TRIP11: variants seen among roughly 807,000 people sequenced by gnomAD.
The protein encoded by TRIP11 is thyroid receptor-interacting protein 11.
TRIP11 carries 148 observed loss-of-function variants against 223.1 expected under a neutral mutation model. That is an observed-to-expected ratio of 0.66 (90% CI 0.58 to 0.76). The LOEUF (loss-of-function observed/expected upper bound fraction) is 0.76. TRIP11 is among the 30% of genes least tolerant of loss of function. TRIP11 has a pLI of 0.00. For synonymous variants in TRIP11, 762 were observed against 772.6 expected, an observed-to-expected ratio of 0.99 and a Z score of 0.23; for missense variants, 2,043 against 2,222.0, an observed-to-expected ratio of 0.92 and a Z score of 1.62.
intron 2 of TRIP11, among the ~76,000 whole-genome samples, chr14:92,032,275 G>A (rs2057275391): frequency 1.3e-5 from 2 of 152,032 alleles, no homozygotes; most frequent in Non-Finnish European, 2.9e-5. Flanking sequence ...AGCCTCCTGA[G>A]TAGCTGGGAT....
rs775254887 is a variant in TRIP11, at chr14:92,005,835, A to G, written c.2141T>C (p.Leu714Pro). 6.2e-7 allele frequency: 1 copy of G among 1,613,996 alleles called. No homozygotes were observed. The highest frequency in any genetic ancestry group is 1.1e-5 in the South Asian group (1 of 91,078). Residue 714 changes from leucine to proline, a missense_variant, in exon 11 of 21, where the codon CTA becomes CCA. Physicochemically the swap from Leu to Pro is moderately conservative, Grantham distance 98. Transcript: ENST00000267622. ...CTCTATCTCTCCTTTTTCCATTTTT[A>G]GAGTCTCCACAATAGTGTTTTTTTC... Reference protein sequence around the residue: ...SLEKNTIVETLKMEKGEIEAE... With the variant: ...SLEKNTIVETPKMEKGEIEAE...
intron 14 of TRIP11, among the ~76,000 whole-genome samples, chr14:91,994,453 A>G (rs1410003459): frequency 2.0e-5 from 3 of 152,072 alleles, no homozygotes; most frequent in African/African-American, 4.8e-5. Flanking sequence ...CACATTGGCC[A>G]GGCTGGTCTT....
At chr14:91,991,969 G>T (rs910677802) in intron 15 of TRIP11, among the ~76,000 whole-genome samples, 1 of 149,624 alleles carries the variant, frequency 6.7e-6, no homozygotes, top group African/African-American at 2.5e-5. Context: ...TGTAATCTCA[G>T]CTACTTGGGA....
At chr14:92,002,910 A>G (rs1041914935) in intron 11 of TRIP11, among the ~76,000 whole-genome samples, 2 of 152,052 alleles carry the variant, frequency 1.3e-5, no homozygotes, top group African/African-American at 4.8e-5. Flanking sequence ...AGAGTATCAC[A>G]CGTAATAAGA....
In TRIP11 at chr14:91,974,760, A is replaced by C; in HGVS notation, c.5458-17T>G. 2 of 1,578,946 alleles carry C rather than the reference A, an allele frequency of 1.3e-6. No individual in the cohort carries two copies. The highest frequency in any genetic ancestry group is 1.7e-6 in the Non-Finnish European group (2 of 1,151,094). ...ATGAAACAACTGAAAGATTATTTTA[A>C]AACAGACAAATATTATCAGTACAAG... On this transcript the variant is annotated splice_polypyrimidine_tract_variant and intron_variant, in intron 18 of 20. Coordinates refer to ENST00000267622, the MANE Select transcript of TRIP11 (RefSeq NM_004239.4).
intron 3 of TRIP11, among the ~76,000 whole-genome samples, chr14:92,023,456 A>G (rs879413688): frequency 6.6e-6 from 1 of 152,210 alleles, no homozygotes; most frequent in Non-Finnish European, 1.5e-5. Flanking sequence ...TGCTTTTAAC[A>G]ATTTTGTGCA....
intron 4 of TRIP11, among the ~76,000 whole-genome samples, chr14:92,020,356 A>G (rs1013035556): frequency 3.3e-5 from 5 of 152,164 alleles, no homozygotes; most frequent in Non-Finnish European, 7.3e-5. Context: ...CCTGTATAAA[A>G]TCTGATATAT....
chr14:91,998,317 G>T (rs1197025225), intron 13 of TRIP11, among the ~76,000 whole-genome samples: 1 of 152,044 alleles, frequency 6.6e-6, no homozygotes, highest in Non-Finnish European at 1.5e-5. Context: ...TTACCCTAAG[G>T]ATATAATCTG....
In TRIP11 at chr14:92,037,612, G is replaced by A. The variant is rs1317443341; in HGVS notation, c.139+1935C>T. ...TTGAAGGTCGGGTGCGGTGGCTCAC[G>A]CCTGTAATCCCAGCACTCTGGGAGG... On this transcript the variant is annotated intron_variant, in intron 1 of 20. Transcript: ENST00000267622. This position sits in a 1 kb window ranked among gnomAD's most constrained non-coding sequence, Gnocchi z 4.2. Among the ~76,000 whole-genome samples the A allele has an allele frequency of 1.3e-5, 2 of 152,220 alleles. No individual in the cohort carries two copies. Among genetic ancestry groups the A allele is most frequent in the South Asian group, 2.1e-4 (1 of 4,828 alleles).
rs754084229 is a variant in TRIP11, at chr14:92,014,352, C to T, written c.1049G>A (p.Cys350Tyr). 2.5e-6 allele frequency: 4 copies of T among 1,613,978 alleles called. No homozygotes were observed. In the South Asian group the frequency reaches 4.4e-5, roughly 18 times the overall value. The change falls in exon 7 of 21, where the codon TGT becomes TAT. Residue 350 changes from cysteine (C) to tyrosine (Y), a missense_variant. By Grantham distance (194) the Cys-to-Tyr change is radical. Transcript: ENST00000267622. ...ACTACATTCCAATTTCAAGTTTTCACATTCTTCCATTATTTGTCTCTTTTC... is the reference window on the plus strand; with the variant it reads ...ACTACATTCCAATTTCAAGTTTTCATATTCTTCCATTATTTGTCTCTTTTC... ...NVEKRQIMEE[C>Y]ENLKLECSKL...
Position 92,018,976 on chromosome 14 carries a change from A to C in TRIP11, c.589-1226T>G, listed in dbSNP as rs561444165. Among the ~76,000 whole-genome samples the C allele has an allele frequency of 1.9e-4, 29 of 150,794 alleles. 1 individual carries two copies. Among genetic ancestry groups the C allele is most frequent in the African/African-American group, 6.3e-4 (26 of 41,318 alleles). ...ACTCCATCTCAAAAAAAAAAAAAAA[A>C]AACAAAAAAAAAACTTTCAGTTTCC... On this transcript the variant is annotated intron_variant, in intron 4 of 20. Coordinates refer to ENST00000267622, the MANE Select transcript of TRIP11 (RefSeq NM_004239.4).
chr14:92,021,909 G>T, intron 3 of TRIP11, 78 bp from the exon 4 acceptor site: 1 of 1,468,100 alleles, frequency 6.8e-7, no homozygotes, highest in South Asian at 1.2e-5. Context: ...TGTATTAAAA[G>T]ACACAATACA....
rs1323835733 is a variant in TRIP11, at chr14:91,978,030, A to G, written c.5261-1841T>C. ...CCAGTAAGGAATTTAAACTTGGACG[A>G]GAGAGGGAGAGAGAGAAGGGGAGAG... is the stretch of plus-strand genomic sequence containing the variant. On this transcript the variant is annotated intron_variant, in intron 16 of 20. Transcript: ENST00000267622. This position sits in a 1 kb window ranked among gnomAD's most constrained non-coding sequence, Gnocchi z 4.4. Among the ~76,000 whole-genome samples, 3 of 152,066 alleles carry G rather than the reference A, an allele frequency of 2.0e-5. No homozygotes were observed. Among genetic ancestry groups the G allele is most frequent in the Admixed American group, 6.6e-5 (1 of 15,254 alleles).
intron 4 of TRIP11, among the ~76,000 whole-genome samples, chr14:92,018,266 T>C (rs2057061755): frequency 1.3e-5 from 2 of 151,976 alleles, no homozygotes; most frequent in Admixed American, 1.3e-4. Flanking sequence ...AGCTAATTTT[T>C]TTTTTGTAGA....
Position 92,011,050 on chromosome 14 carries a change from T to C in TRIP11, c.1250A>G (p.Asn417Ser), listed in dbSNP as rs774405296. ...LNQDNSLAED[N>S]LKLKMRIEVL... ...TTCGATACGCATTTTAAGTTTCAGA[T>C]TGTCTTCAGCAAGACTGTTATCCTA... is the stretch of plus-strand genomic sequence containing the variant. Residue 417 changes from asparagine (N) to serine (S), a missense_variant, in exon 9 of 21, where the codon AAT (asparagine) becomes AGT (serine). Asn to Ser is a conservative substitution (Grantham distance 46). Coordinates refer to ENST00000267622, the MANE Select transcript of TRIP11 (RefSeq NM_004239.4). 4.3e-6 allele frequency: 7 copies of C among 1,614,070 alleles called. No homozygotes were observed. The East Asian group carries it at 1.3e-4, about 31-fold the overall frequency.
intron 13 of TRIP11, among the ~76,000 whole-genome samples, chr14:91,997,735 T>C (rs1330802343): frequency 6.6e-6 from 1 of 151,994 alleles, no homozygotes; most frequent in East Asian, 1.9e-4. Flanking sequence ...GCTGATAACA[T>C]GAAATAAGGC....
intron 16 of TRIP11, among the ~76,000 whole-genome samples, chr14:91,987,792 A>C (rs1051046068): frequency 1.3e-5 from 2 of 152,230 alleles, no homozygotes; most frequent in African/African-American, 4.8e-5. Context: ...TGGACAGGGC[A>C]TATGAGGCAC....
Position 92,005,536 on chromosome 14 carries a change from C to A in TRIP11, c.2440G>T (p.Glu814Ter), listed in dbSNP as rs1464653111. The A allele has an allele frequency of 6.2e-7, 1 of 1,611,122 alleles. No homozygotes were observed. The highest frequency in any genetic ancestry group is 8.5e-7 in the Non-Finnish European group (1 of 1,179,518). ...KQLTQLINKK[E>*]IFIEKLKERS... is the part of the protein sequence containing the mutation. ...TCTTTAAGCTTTTCAATAAAAATTT[C>A]TTTCTTGTTTATAAGTTGTGTCAAC... is the stretch of plus-strand genomic sequence containing the variant. Residue 814 changes from glutamate to a stop codon, truncating the protein, a stop_gained, in exon 11 of 21, where the codon GAA (glutamate) becomes TAA (stop). Transcript: ENST00000267622. LOFTEE classifies it high-confidence loss of function.
At position 91,978,451 on chromosome 14, in the gene TRIP11, A is replaced by G. The variant is rs2056495186; in HGVS notation, c.5261-2262T>C. On this transcript the variant is annotated intron_variant, in intron 16 of 20. Coordinates refer to ENST00000267622, the MANE Select transcript of TRIP11 (RefSeq NM_004239.4). This position sits in a 1 kb window ranked among gnomAD's most constrained non-coding sequence, Gnocchi z 4.4. ...TTCCTCTAAAATTAGTAATTTGTAT[A>G]TTGATTACATGTCTATATAATAATT... Among the ~76,000 whole-genome samples, 1 of 152,144 alleles carries G rather than the reference A, an allele frequency of 6.6e-6. No homozygotes were observed. The highest frequency in any genetic ancestry group is 2.4e-5 in the African/African-American group (1 of 41,426).
Sources: gnomAD v4.1 joint callset for allele counts (sites outside exome capture counted in the v4.1 genomes callset) on GRCh38, gnomAD v4.1.1 for gene constraint, Gnocchi (gnomAD v3.1) non-coding constraint, MANE v1.5 for transcripts, NCBI Gene and HGNC (gene_info 2026-07-23, HGNC 2026-07-21) for gene names.